NSUN7: variants seen among roughly 807,000 people sequenced by gnomAD.
NSUN7 encodes NOP2/Sun RNA methyltransferase family member 7, also known as protein NSUN7.
Under a neutral mutation model 58.5 loss-of-function variants are expected in NSUN7, and 39 were observed. That is an observed-to-expected ratio of 0.67 (90% CI 0.52 to 0.87). NSUN7 has a LOEUF of 0.87. NSUN7 is among the 40% of genes least tolerant of loss of function. The pLI is 0.00. For synonymous variants in NSUN7, 278 were observed against 303.7 expected, an observed-to-expected ratio of 0.92 and a Z score of 0.88; for missense variants, 765 against 844.1, an observed-to-expected ratio of 0.91 and a Z score of 1.16.
At chr4:40,790,821 A>G in intron 8 of NSUN7, 76 bp downstream of exon 8, 1 of 1,121,238 alleles carries the variant, frequency 8.9e-7, no homozygotes, top group Middle Eastern at 3.0e-4. Context: ...TCATTAAAAT[A>G]GCATATCAAA....
At chr4:40,768,194 CT>C (rs1029457724) in intron 4 of NSUN7, among the ~76,000 whole-genome samples, 3 of 142,874 alleles carry the variant, frequency 2.1e-5, no homozygotes, top group Non-Finnish European at 3.1e-5. Context: ...AAGACTAATT[CT>C]TTTTTTTTCT....
At chr4:40,808,139 C>T in intron 11 of NSUN7, 168 bp from the exon 12 acceptor site, 1 of 558,816 alleles carries the variant, frequency 1.8e-6, no homozygotes. Context: ...TTTAAAAAGG[C>T]ATTCGCTGAG....
In NSUN7 at chr4:40,774,214, G is replaced by A; in HGVS notation, c.489-51G>A. ...TTTTTAGAGTTTCCAGTGGAAAATTGATAGTCTTGTCTCAAATGCAATAGA... is the reference window on the plus strand; with the variant it reads ...TTTTTAGAGTTTCCAGTGGAAAATTAATAGTCTTGTCTCAAATGCAATAGA... On this transcript the variant is annotated intron_variant, in intron 4 of 11. Coordinates refer to ENST00000381782, the MANE Select transcript of NSUN7 (RefSeq NM_024677.6). 2.0e-6 allele frequency: 3 copies of A among 1,493,430 alleles called. No individual in the cohort carries two copies. In the East Asian group the frequency reaches 6.8e-5, roughly 34 times the overall value. The allele number at this position is 1,493,430 out of a possible 1,614,324, so 92.5% of individuals were successfully genotyped here.
Position 40,808,654 on chromosome 4 carries a change from C to T in NSUN7, c.1872C>T (p.Pro624=). 1 of 1,551,866 alleles carries T rather than the reference C, an allele frequency of 6.4e-7. No homozygotes were observed. Among genetic ancestry groups the T allele is most frequent in the Non-Finnish European group, 8.7e-7 (1 of 1,147,046 alleles). Residue 624 remains proline, a synonymous_variant, in exon 12 of 12, where the codon CCC becomes CCT. Coordinates refer to ENST00000381782, the MANE Select transcript of NSUN7 (RefSeq NM_024677.6). ...CTGCATTTGTGAAGAACACTTGTCCCTCCAGACCGCGTGAACGGCAGACAC... is the reference window on the plus strand; with the variant it reads ...CTGCATTTGTGAAGAACACTTGTCCTTCCAGACCGCGTGAACGGCAGACAC... ...AVPAFVKNTC[P]SRPRERQTHF... is the part of the protein sequence containing the mutation.
Position 40,808,753 on chromosome 4 carries a change from T to TA in NSUN7, c.1972dup (p.Met658AsnfsTer46). ...TCAAGATTGTTCTGCCTCCAGTCTT[T>TA]ATGCCATTTTCAAGTCCCCAAGGGA... On this transcript the variant is annotated frameshift_variant, in exon 12 of 12. Coordinates refer to ENST00000381782, the MANE Select transcript of NSUN7 (RefSeq NM_024677.6). LOFTEE classifies it low-confidence loss of function (END_TRUNC). 1 of 1,549,910 alleles carries TA rather than the reference T, an allele frequency of 6.5e-7. No homozygotes were observed. The highest frequency in any genetic ancestry group is 8.7e-7 in the Non-Finnish European group (1 of 1,146,666).
intron 8 of NSUN7, among the ~76,000 whole-genome samples, chr4:40,791,793 C>T (rs1743080960): frequency 6.6e-6 from 1 of 151,976 alleles, no homozygotes; most frequent in African/African-American, 2.4e-5. Context: ...CAATAATGTC[C>T]CAGGCAATAT....
At chr4:40,805,991 G>A (rs1195682904) in intron 10 of NSUN7, among the ~76,000 whole-genome samples, 1 of 152,088 alleles carries the variant, frequency 6.6e-6, no homozygotes, top group Non-Finnish European at 1.5e-5. Context: ...AAAGGCACCT[G>A]CCACCACACC....
At chr4:40,758,834 G>A (rs1741300941) in intron 2 of NSUN7, among the ~76,000 whole-genome samples, 1 of 151,982 alleles carries the variant, frequency 6.6e-6, no homozygotes, top group Non-Finnish European at 1.5e-5. Context: ...GCAGTAAGCT[G>A]TGACAGCACC....
At chr4:40,758,796 G>C (rs1741298516) in intron 2 of NSUN7, among the ~76,000 whole-genome samples, 1 of 152,030 alleles carries the variant, frequency 6.6e-6, no homozygotes, top group Non-Finnish European at 1.5e-5. Context: ...GAGGCAGGAG[G>C]GTTGCTTGAG....
chr4:40,770,210 CAAAAAAAAA>C (rs36059628), intron 4 of NSUN7, among the ~76,000 whole-genome samples: 1 of 94,768 alleles, frequency 1.1e-5, no homozygotes, highest in African/African-American at 4.0e-5. Context: ...AACTCCATCT[CAAAAAAAAA>C]AAAAAAAAAA....
At chr4:40,759,277 C>T (rs1299623707) in intron 2 of NSUN7, among the ~76,000 whole-genome samples, 1 of 152,100 alleles carries the variant, frequency 6.6e-6, no homozygotes. Flanking sequence ...TGCCACTGCA[C>T]TCCGGCCGGT....
chr4:40,760,729 C>T (rs1032913274), intron 3 of NSUN7, among the ~76,000 whole-genome samples: 5 of 151,866 alleles, frequency 3.3e-5, no homozygotes, highest in African/African-American at 9.7e-5. Context: ...GGTGTGGTGG[C>T]ACATGCCTGT....
intron 5 of NSUN7, 84 bp downstream of exon 5, chr4:40,774,501 G>T: frequency 7.2e-7 from 1 of 1,387,554 alleles, no homozygotes; most frequent in Non-Finnish European, 1.0e-6. Flanking sequence ...TTTTTAAGAG[G>T]TGGGGGTGGC....
intron 2 of NSUN7, among the ~76,000 whole-genome samples, chr4:40,757,164 G>C (rs1045545319): frequency 6.6e-6 from 1 of 152,198 alleles, no homozygotes; most frequent in Admixed American, 6.5e-5. Context: ...GGGAGGCAGA[G>C]GTTGCGGTGA....
intron 7 of NSUN7, among the ~76,000 whole-genome samples, chr4:40,789,697 G>A (rs1286322281): frequency 1.3e-5 from 2 of 152,098 alleles, no homozygotes; most frequent in African/African-American, 4.8e-5. Context: ...GATATTTGAA[G>A]TTTCCCAATA....
chr4:40,807,198 A>G lies in NSUN7; in HGVS notation c.1524+14A>G. The G allele has an allele frequency of 2.0e-6, 3 of 1,521,248 alleles. No individual in the cohort carries two copies. Among genetic ancestry groups the G allele is most frequent in the South Asian group, 1.2e-5 (1 of 81,880 alleles). 94.2% of individuals were successfully genotyped at this position (1,521,248 alleles called of 1,614,324 possible). A position where few individuals can be genotyped will look rare whatever the true frequency, so the allele number is the denominator to read the frequency against. ...TTAACAAGGGAGGTAAGGAAAAAAA[A>G]TCCTAATCCATGTCATACTTTGGAA... On this transcript the variant is annotated intron_variant, in intron 11 of 11. Transcript: ENST00000381782.
intron 11 of NSUN7, among the ~76,000 whole-genome samples, chr4:40,807,564 G>A (rs190820418): frequency 1.3e-5 from 2 of 151,922 alleles, no homozygotes; most frequent in Admixed American, 6.6e-5. Flanking sequence ...TGGCCAGGCT[G>A]GTCTTGAACT....
At position 40,790,670 on chromosome 4, in the gene NSUN7, G is replaced by C; in HGVS notation, c.1105G>C (p.Val369Leu). Residue 369 changes from valine to leucine, a missense_variant, in exon 8 of 12, where the codon GTG (valine) becomes CTG (leucine). By Grantham distance (32) the Val-to-Leu change is conservative. Coordinates refer to ENST00000381782, the MANE Select transcript of NSUN7 (RefSeq NM_024677.6). ...GGATCACAGGTTACAGAAAGTTAAA[G>C]TGATTTTGCTGCTACCTCGTTGTTC... The part of the protein sequence containing the change: ...SKDHRLQKVK[V>L]ILLLPRCSGL... 6.2e-7 allele frequency: 1 copy of C among 1,602,604 alleles called. No individual in the cohort carries two copies. Among genetic ancestry groups the C allele is most frequent in the Non-Finnish European group, 8.5e-7 (1 of 1,173,364 alleles).
At chr4:40,752,194 A>G (rs1283669497) in intron 2 of NSUN7, among the ~76,000 whole-genome samples, 1 of 152,218 alleles carries the variant, frequency 6.6e-6, no homozygotes, top group Non-Finnish European at 1.5e-5. Flanking sequence ...GCCTTCCTAA[A>G]GAGACACCTC....
Sources: allele counts gnomAD v4.1 joint callset (sites outside exome capture counted in the v4.1 genomes callset), GRCh38; gene constraint gnomAD v4.1.1; transcripts MANE v1.5; gene names NCBI Gene and HGNC (gene_info 2026-07-23, HGNC 2026-07-21).